Variants in BST1 observed in about 807,000 individuals in gnomAD.
The protein encoded by BST1 is bone marrow stromal cell antigen 1.
BST1 carries 49 observed loss-of-function variants against 40.6 expected under a neutral mutation model. The observed-to-expected ratio is 1.21, with a 90% CI of 0.96 to 1.53. BST1 has a LOEUF of 1.53. BST1 is among the 40% of genes most tolerant of loss of function. The pLI is 0.00. For synonymous variants in BST1, 157 were observed against 159.3 expected (o/e 0.99, Z 0.11); for missense variants, 423 against 395.9 (o/e 1.07, Z -0.58).
At chr4:15,736,518 G>C (rs1032423072), downstream of BST1, among the ~76,000 whole-genome samples, 3 of 151,674 alleles carry the variant, frequency 2.0e-5, no homozygotes, top group Admixed American at 6.6e-5. Context: ...GTTGAGGCAG[G>C]AGAACTGCTT....
the BST1 span, among the ~76,000 whole-genome samples, chr4:15,759,368 T>C: frequency 6.6e-6 from 1 of 151,862 alleles, no homozygotes; most frequent in Non-Finnish European, 1.5e-5. Flanking sequence ...GTAAAGCAGG[T>C]ATAGTAAGAA....
chr4:15,762,312 G>A, the BST1 span, among the ~76,000 whole-genome samples: 1 of 128,136 alleles, frequency 7.8e-6, no homozygotes, highest in Non-Finnish European at 1.7e-5. Context: ...ATACATATAT[G>A]TATACACACA....
exon 7 of BST1, chr4:15,737,832 T>C (rs1266141469): frequency 1.6e-6 from 2 of 1,284,890 alleles, no homozygotes; most frequent in South Asian, 2.5e-5. Context: ...TGTCAGAGAG[T>C]CCAAAGATGT....
chr4:15,740,933 C>T (rs1577607025), downstream of BST1, among the ~76,000 whole-genome samples: 1 of 151,894 alleles, frequency 6.6e-6, no homozygotes, highest in African/African-American at 2.4e-5. Flanking sequence ...CTACTCAACT[C>T]CGTGGTTCGT....
downstream of BST1, among the ~76,000 whole-genome samples, chr4:15,740,671 A>G (rs577943046): frequency 6.6e-5 from 10 of 152,182 alleles, no homozygotes; most frequent in African/African-American, 2.2e-4. Flanking sequence ...AATTATAACA[A>G]ATATTTGACA....
chr4:15,730,106 C>T (rs1460267016), intron 8 of BST1, among the ~76,000 whole-genome samples: 1 of 151,960 alleles, frequency 6.6e-6, no homozygotes, highest in Non-Finnish European at 1.5e-5. Context: ...AGAAAATGTC[C>T]GGTAGGTGGA....
chr4:15,709,763 G>T (rs1720084014), intron 3 of BST1, among the ~76,000 whole-genome samples: 1 of 152,048 alleles, frequency 6.6e-6, no homozygotes, highest in Admixed American at 6.6e-5. Flanking sequence ...TGGTGATGGG[G>T]TTTTTTATTT....
the BST1 span, among the ~76,000 whole-genome samples, chr4:15,767,975 C>T: frequency 6.6e-6 from 1 of 152,182 alleles, no homozygotes; most frequent in Non-Finnish European, 1.5e-5. Flanking sequence ...GATTCCCTGA[C>T]TTTGACCACA....
At chr4:15,734,257 T>C (rs996227756), downstream of BST1, among the ~76,000 whole-genome samples, 2 of 152,206 alleles carry the variant, frequency 1.3e-5, no homozygotes, top group Non-Finnish European at 2.9e-5. Context: ...GGAGCTGCTC[T>C]GTGTCTTGAT....
At chr4:15,724,579 G>A (rs540701316) in intron 8 of BST1, among the ~76,000 whole-genome samples, 1 of 152,248 alleles carries the variant, frequency 6.6e-6, no homozygotes, top group African/African-American at 2.4e-5. Context: ...CCAGCTACTT[G>A]GGAGGCTGAG....
chr4:15,729,380 C>A (rs144413408), intron 8 of BST1, among the ~76,000 whole-genome samples: 1 of 152,086 alleles, frequency 6.6e-6, no homozygotes, highest in Non-Finnish European at 1.5e-5. Flanking sequence ...TCTCTAAACC[C>A]GGGAAGGTCA....
At chr4:15,739,845 T>C (rs1438266404), downstream of BST1, among the ~76,000 whole-genome samples, 18 of 151,314 alleles carry the variant, frequency 1.2e-4, no homozygotes, top group Admixed American at 1.1e-3. Context: ...AGTAATAAAA[T>C]TTGGTGGTAG....
exon 7 of BST1, chr4:15,737,855 C>T (rs964264690): frequency 1.6e-6 from 2 of 1,273,918 alleles, no homozygotes; most frequent in Non-Finnish European, 2.1e-6. Context: ...ATGCCTTCCA[C>T]TCCCACAGCA....
the BST1 span, among the ~76,000 whole-genome samples, chr4:15,770,687 G>A: frequency 7.9e-5 from 12 of 152,178 alleles, no homozygotes; most frequent in Admixed American, 7.2e-4. Context: ...GCAACAGAGT[G>A]AGACTCCGTC....
At chr4:15,713,938 A>G (rs1720364425) in intron 4 of BST1, among the ~76,000 whole-genome samples, 1 of 152,100 alleles carries the variant, frequency 6.6e-6, no homozygotes, top group African/African-American at 2.4e-5. Context: ...TCCTGACCCC[A>G]GGTGATCTGC....
chr4:15,749,498 GGATGAAAGA>G, the BST1 span, among the ~76,000 whole-genome samples: 1 of 151,972 alleles, frequency 6.6e-6, no homozygotes, highest in African/African-American at 2.4e-5. Context: ...CTGCTTTCAT[GGATGAAAGA>G]GTTACTATTC....
chr4:15,703,172 C>A lies in BST1; in HGVS notation c.28C>A (p.Arg10=), dbSNP rs758279613. MAAQGCAAS[R]LLQLLLQLLL... Reference sequence around the variant, plus strand: ...GGCGGCCCAGGGGTGCGCGGCATCGCGGCTGCTCCAGCTGCTGCTGCAGCT... The same window carrying A: ...GGCGGCCCAGGGGTGCGCGGCATCGAGGCTGCTCCAGCTGCTGCTGCAGCT... The change falls in exon 1 of 9, where the codon CGG becomes AGG. Residue 10 remains arginine, a synonymous_variant. Transcript: ENST00000265016. 2.6e-6 allele frequency: 4 copies of A among 1,567,008 alleles called. No homozygotes were observed. Among genetic ancestry groups the A allele is most frequent in the Non-Finnish European group, 2.6e-6 (3 of 1,157,858 alleles).
At position 15,704,750 on chromosome 4, in the gene BST1, C is replaced by G. The variant is rs564785748; in HGVS notation, c.189-765C>G. On this transcript the variant is annotated intron_variant, in intron 1 of 8. Transcript: ENST00000265016. The stretch of plus-strand genomic sequence containing the variant: ...CAGGTTGGAATTCCTTGAGTCCAGT[C>G]CTTCCAGAATTCAAATTTCAGATCC... Among the ~76,000 whole-genome samples, 204 of 152,202 alleles carry G rather than the reference C, an allele frequency of 1.3e-3. 2 individuals carry two copies. The highest frequency in any genetic ancestry group is 4.6e-3 in the African/African-American group (190 of 41,506).
rs1290480868 is a variant in BST1 at position 15,718,937 on chromosome 4, C to G, written c.735C>G (p.Val245=). ...CCTGCGGGGAAGGCAGCATGAAAGT[C>G]CTGGAAAAGAGGCTGAAGGACATGG... ...VESCGEGSMK[V]LEKRLKDMGF... Residue 245 remains valine (V), a synonymous_variant, in exon 7 of 9, where the codon GTC becomes GTG. Coordinates refer to ENST00000265016, the MANE Select transcript of BST1 (RefSeq NM_004334.3). The G allele has an allele frequency of 6.8e-6, 11 of 1,613,896 alleles. No individual in the cohort carries two copies. The highest frequency in any genetic ancestry group is 9.3e-6 in the Non-Finnish European group (11 of 1,179,952).
Sources: gnomAD v4.1 joint callset for allele counts (sites outside exome capture counted in the v4.1 genomes callset) on GRCh38, gnomAD v4.1.1 for gene constraint, MANE v1.5 for transcripts, NCBI Gene and HGNC (gene_info 2026-07-23, HGNC 2026-07-21) for gene names.